Variants in CSF2RA observed in about 807,000 individuals in gnomAD.
CSF2RA encodes colony stimulating factor 2 receptor subunit alpha, also known as granulocyte-macrophage colony-stimulating factor receptor subunit alpha.
In CSF2RA, 42 loss-of-function variants were observed where a neutral mutation model predicts 51.6. That is an observed-to-expected ratio of 0.81 (90% CI 0.64 to 1.05). The LOEUF is 1.05. Among genes scored for constraint, CSF2RA ranks in the 50% least tolerant of loss-of-function variants. CSF2RA has a pLI of 0.00. For synonymous variants in CSF2RA, 222 were observed against 193.0 expected, an observed-to-expected ratio of 1.15 and a Z score of -1.24; for missense variants, 530 against 501.1, an observed-to-expected ratio of 1.06 and a Z score of -0.55.
At chrX:1,275,399 C>CA (rs2089050122) in intron 2 of CSF2RA, among the ~76,000 whole-genome samples, 1 of 151,530 alleles carries the variant, frequency 6.6e-6, no homozygotes, top group African/African-American at 2.4e-5. Flanking sequence ...CCAAACACTG[C>CA]AAAATATTTA....
At chrX:1,286,884 C>G (rs2090740208) in intron 4 of CSF2RA, among the ~76,000 whole-genome samples, 1 of 151,716 alleles carries the variant, frequency 6.6e-6, no homozygotes, top group Non-Finnish European at 1.5e-5. Context: ...CCTGGTTCCC[C>G]AAGGGATTAA....
intron 9 of CSF2RA, among the ~76,000 whole-genome samples, chrX:1,299,984 G>T (rs1156656537): frequency 1.3e-5 from 2 of 152,048 alleles, no homozygotes; most frequent in Non-Finnish European, 2.9e-5. Context: ...TTGTGAGGCC[G>T]AGGCGGTCGG....
intron 4 of CSF2RA, 38 bp from the exon 5 acceptor site, chrX:1,288,481 T>A (rs1228640485): frequency 3.1e-6 from 5 of 1,613,614 alleles, no homozygotes; most frequent in Non-Finnish European, 4.2e-6. Context: ...GACAGAAGGT[T>A]GTTTCCTAAT....
chrX:1,294,373 C>T lies in CSF2RA; in HGVS notation c.692C>T (p.Thr231Met), dbSNP rs149974131. 5.2e-4 allele frequency: 838 copies of T among 1,613,734 alleles called. 1 individual carries two copies. The highest frequency in any genetic ancestry group is 6.6e-4 in the Non-Finnish European group (774 of 1,179,804). ...AATGTCACCGTACGTTGCAACACGA[C>T]GCACTGCCTCGTACGGTGGAAACAG... ...PSNVTVRCNT[T>M]HCLVRWKQPR... The change falls in exon 8 of 13, where the codon ACG (threonine) becomes ATG (methionine). Residue 231 changes from threonine (T) to methionine (M), a missense_variant. Thr to Met is a moderately conservative substitution (Grantham distance 81). Coordinates refer to ENST00000381529, the MANE Select transcript of CSF2RA (RefSeq NM_172245.4).
At chrX:1,323,503 G>T in the CSF2RA span, among the ~76,000 whole-genome samples, 5 of 152,250 alleles carry the variant, frequency 3.3e-5, no homozygotes, top group African/African-American at 1.2e-4. Flanking sequence ...TCACATCTGG[G>T]TGGTGGCCAC....
intron 2 of CSF2RA, among the ~76,000 whole-genome samples, chrX:1,281,226 C>T (rs1299472824): frequency 7.5e-6 from 1 of 133,598 alleles, no homozygotes; most frequent in African/African-American, 2.8e-5. Flanking sequence ...CCTACTCCTC[C>T]TTCTCCTACT....
At chrX:1,322,584 C>T in the CSF2RA span, among the ~76,000 whole-genome samples, 4 of 151,114 alleles carry the variant, frequency 2.6e-5, no homozygotes, top group Admixed American at 2.7e-4. Flanking sequence ...AGCTGTGGGG[C>T]CCCACTGAAC....
chrX:1,286,118 C>G (rs1432753377), intron 4 of CSF2RA, among the ~76,000 whole-genome samples, 198 bp downstream of exon 4: 32 of 151,448 alleles, frequency 2.1e-4, no homozygotes, highest in African/African-American at 7.5e-4. Context: ...ACTACAAATA[C>G]AAAATTAGCC....
At chrX:1,277,593 C>CAA (rs749833246) in intron 2 of CSF2RA, among the ~76,000 whole-genome samples, 9,354 of 70,044 alleles carry the variant, frequency 0.13, 672 homozygotes, top group Admixed American at 0.19. Flanking sequence ...AAGTCCATCT[C>CAA]AAAAAAAAAA....
downstream of CSF2RA, chrX:1,310,084 A>T (rs2148727539): frequency 3.1e-6 from 1 of 323,412 alleles, no homozygotes; most frequent in African/African-American, 2.2e-5. Flanking sequence ...AGTGCCAGCT[A>T]TCTGGGAGGC....
downstream of CSF2RA, among the ~76,000 whole-genome samples, chrX:1,314,832 G>GCACCTGCCCAACCC (rs2084458989): frequency 6.2e-5 from 3 of 48,754 alleles, no homozygotes; most frequent in Non-Finnish European, 1.2e-4. Context: ...CTGCCCAACC[G>GCACCTGCCCAACCC]CACTGCACCT....
intron 9 of CSF2RA, 99 bp from the exon 10 acceptor site, chrX:1,300,392 A>G (rs2092290094): frequency 7.1e-6 from 10 of 1,414,134 alleles, no homozygotes; most frequent in Non-Finnish European, 7.8e-6. Flanking sequence ...AGAAAAAAAG[A>G]AAAGGAGAAA....
chrX:1,308,695 C>A (rs1222303209), intron 12 of CSF2RA, among the ~76,000 whole-genome samples: 1 of 152,124 alleles, frequency 6.6e-6, no homozygotes, highest in African/African-American at 2.4e-5. Flanking sequence ...CTTCCACCCC[C>A]ACGCCAGCCT....
intron 2 of CSF2RA, among the ~76,000 whole-genome samples, chrX:1,281,165 A>ACTCCTCCTT (rs1330363781): frequency 3.8e-5 from 1 of 26,114 alleles, no homozygotes; most frequent in East Asian, 1.0e-3. Context: ...TTCTCCTCCT[A>ACTCCTCCTT]CTCCTCCTTC....
chrX:1,286,896 G>A (rs2090742034), intron 4 of CSF2RA, among the ~76,000 whole-genome samples: 1 of 152,072 alleles, frequency 6.6e-6, no homozygotes, highest in Non-Finnish European at 1.5e-5. Context: ...AGGGATTAAG[G>A]TCAGGGTTTT....
intron 1 of CSF2RA, among the ~76,000 whole-genome samples, chrX:1,271,707 G>T (rs1385090943): frequency 6.6e-6 from 1 of 151,714 alleles, no homozygotes; most frequent in African/African-American, 2.4e-5. Flanking sequence ...AGTAGGGATG[G>T]TGTTTCACCA....
At chrX:1,289,552 T>C (rs1238753060) in intron 6 of CSF2RA, among the ~76,000 whole-genome samples, 1 of 127,528 alleles carries the variant, frequency 7.8e-6, no homozygotes, top group Non-Finnish European at 1.8e-5. Flanking sequence ...TGTTTTTGTG[T>C]TTTTTTGGTT....
At chrX:1,287,942 G>A (rs376434020) in intron 4 of CSF2RA, among the ~76,000 whole-genome samples, 1 of 146,992 alleles carries the variant, frequency 6.8e-6, no homozygotes, top group South Asian at 2.2e-4. Flanking sequence ...TCACCATGTT[G>A]GCCAGGCTGG....
the CSF2RA span, among the ~76,000 whole-genome samples, chrX:1,318,592 C>T: frequency 1.3e-5 from 2 of 151,554 alleles, no homozygotes; most frequent in African/African-American, 4.8e-5. Context: ...ATAGAAAAGA[C>T]TTTGGAGAGG....
Sources: allele counts gnomAD v4.1 joint callset (sites outside exome capture counted in the v4.1 genomes callset), GRCh38; gene constraint gnomAD v4.1.1; transcripts MANE v1.5; gene names NCBI Gene and HGNC (gene_info 2026-07-23, HGNC 2026-07-21).